Variants in ST3GAL1 observed in about 807,000 individuals in gnomAD.
The protein encoded by ST3GAL1 is CMP-N-acetylneuraminate-beta-galactosamide-alpha-2,3-sialyltransferase 1.
ST3GAL1 carries 16 observed loss-of-function variants against 34.1 expected under a neutral mutation model. That is an observed-to-expected ratio of 0.47 (90% CI 0.32 to 0.71). The LOEUF is 0.71. Among genes scored for constraint, ST3GAL1 ranks in the 30% least tolerant of loss-of-function variants. The probability of loss-of-function intolerance (pLI) is 0.04; values close to 1 mark genes in which losing one functional copy is unlikely to be tolerated. For missense variants in ST3GAL1, 353 were observed against 447.4 expected, an observed-to-expected ratio of 0.79 and a Z score of 1.90; for synonymous variants, 191 against 184.7, an observed-to-expected ratio of 1.03 and a Z score of -0.28.
intron 2 of ST3GAL1, among the ~76,000 whole-genome samples, chr8:133,519,080 G>A (rs573786157): frequency 6.6e-6 from 1 of 152,316 alleles, no homozygotes; most frequent in Admixed American, 6.5e-5. Context: ...TCAGGGTAGG[G>A]TAGGGAAAGG....
Position 133,487,770 on chromosome 8 carries a change from A to G in ST3GAL1, c.-373-11170T>C, listed in dbSNP as rs533506688. On this transcript the variant is annotated intron_variant, in intron 3 of 9. Coordinates refer to ENST00000522652, the MANE Select transcript of ST3GAL1 (RefSeq NM_173344.3). ...GATAACTTGAGGTAAGGAGTTCAAG[A>G]CCAGCCCAGACAACATGGTGAAACC... Among the ~76,000 whole-genome samples, 11 of 152,146 alleles carry G rather than the reference A, an allele frequency of 7.2e-5. No homozygotes were observed. The South Asian group carries it at 2.3e-3, about 32-fold the overall frequency.
rs1164883730 is a variant in ST3GAL1, at chr8:133,469,085, C to A, written c.307-2995G>T. Among the ~76,000 whole-genome samples the A allele has an allele frequency of 2.0e-5, 3 of 152,218 alleles. No homozygotes were observed. The highest frequency in any genetic ancestry group is 7.2e-5 in the African/African-American group (3 of 41,466). ...GCCACAGAGGCCTGAGAAGCCAGGA[C>A]TCAAGCTCGGCCATGGACGTGTGTG... On this transcript the variant is annotated intron_variant, in intron 5 of 9. Transcript: ENST00000522652. This position sits in a 1 kb window ranked among gnomAD's most constrained non-coding sequence, Gnocchi z 4.3.
intron 1 of ST3GAL1, among the ~76,000 whole-genome samples, chr8:133,555,131 C>T (rs577463836): frequency 5.3e-5 from 8 of 152,294 alleles, no homozygotes; most frequent in South Asian, 2.1e-4. Flanking sequence ...AGGCCACCCC[C>T]GCGGGGGACT....
intron 1 of ST3GAL1, among the ~76,000 whole-genome samples, chr8:133,551,503 A>G (rs532447720): frequency 6.9e-5 from 10 of 145,634 alleles, no homozygotes; most frequent in Admixed American, 5.5e-4. Context: ...AAAGAAAGAG[A>G]CAGAAAGACA....
At chr8:133,477,764 G>A (rs1216301832) in intron 3 of ST3GAL1, among the ~76,000 whole-genome samples, 2 of 152,068 alleles carry the variant, frequency 1.3e-5, no homozygotes, top group Non-Finnish European at 2.9e-5. Flanking sequence ...CTGGAGCGTG[G>A]TCTTTTTGGT....
chr8:133,473,969 C>T (rs1435642282), intron 5 of ST3GAL1, among the ~76,000 whole-genome samples: 1 of 152,162 alleles, frequency 6.6e-6, no homozygotes, highest in African/African-American at 2.4e-5. Context: ...CCTACCTGCC[C>T]GGTTCTCTGT....
intron 1 of ST3GAL1, among the ~76,000 whole-genome samples, chr8:133,549,643 A>C (rs1253721723): frequency 2.0e-5 from 3 of 151,980 alleles, no homozygotes; most frequent in African/African-American, 4.8e-5. Flanking sequence ...CCAACTGACA[A>C]GTTTGCAACC....
chr8:133,538,398 C>T (rs1818370114), intron 2 of ST3GAL1, among the ~76,000 whole-genome samples: 1 of 152,078 alleles, frequency 6.6e-6, no homozygotes, highest in Non-Finnish European at 1.5e-5. Context: ...GCCTGTAATC[C>T]CAACTACTTG....
chr8:133,473,916 C>T (rs1816062344), intron 5 of ST3GAL1, among the ~76,000 whole-genome samples: 1 of 152,170 alleles, frequency 6.6e-6, no homozygotes, highest in South Asian at 2.1e-4. Context: ...CCTGGCTCGC[C>T]ACCTCCTTCC....
At chr8:133,558,603 G>A (rs953825708) in intron 1 of ST3GAL1, among the ~76,000 whole-genome samples, 6 of 152,082 alleles carry the variant, frequency 3.9e-5, no homozygotes, top group Non-Finnish European at 7.4e-5. Flanking sequence ...CCATGCCCCC[G>A]TCCTCCCGCA....
chr8:133,501,941 C>T (rs1467670561), intron 2 of ST3GAL1, among the ~76,000 whole-genome samples: 1 of 152,072 alleles, frequency 6.6e-6, no homozygotes, highest in Non-Finnish European at 1.5e-5. Context: ...GCCAAAGTCT[C>T]CAAGCAGGTC....
At chr8:133,509,618 T>C (rs1427260597) in intron 2 of ST3GAL1, among the ~76,000 whole-genome samples, 1 of 152,206 alleles carries the variant, frequency 6.6e-6, no homozygotes, top group Non-Finnish European at 1.5e-5. Context: ...CAGTGGGAGA[T>C]CACAGGGTGG....
chr8:133,491,795 C>T (rs1038146888), intron 3 of ST3GAL1, among the ~76,000 whole-genome samples: 4 of 152,166 alleles, frequency 2.6e-5, no homozygotes. Flanking sequence ...CCCATCCCTA[C>T]ACACTGAAGG....
chr8:133,508,599 G>T lies in ST3GAL1; in HGVS notation c.-428-9410C>A, dbSNP rs1311304977. 6.6e-6 allele frequency among the ~76,000 whole-genome samples: 1 copy of T among 152,122 alleles called. No homozygotes were observed. Among genetic ancestry groups the T allele is most frequent in the Non-Finnish European group, 1.5e-5 (1 of 68,014 alleles). ...CTGTAAGGAAGAGACAATCTCAGAA[G>T]CAGGGCACTCGCTCAAATTCAGAGA... On this transcript the variant is annotated intron_variant, in intron 2 of 9. Coordinates refer to ENST00000522652, the MANE Select transcript of ST3GAL1 (RefSeq NM_173344.3). The surrounding 1 kb of genome is among the most constrained non-coding windows in gnomAD (Gnocchi z 4.1).
intron 1 of ST3GAL1, among the ~76,000 whole-genome samples, chr8:133,568,743 G>C (rs924660032): frequency 7.2e-5 from 11 of 152,144 alleles, no homozygotes; most frequent in African/African-American, 2.2e-4. Context: ...GTCACACATG[G>C]GAGAGGGCCC....
chr8:133,527,122 C>T (rs1459958459), intron 2 of ST3GAL1, among the ~76,000 whole-genome samples: 2 of 152,104 alleles, frequency 1.3e-5, no homozygotes, highest in Non-Finnish European at 2.9e-5. Context: ...TGTGAAGGGG[C>T]TGCTCTTTAA....
chr8:133,540,974 TATGC>T (rs199893615), intron 2 of ST3GAL1, among the ~76,000 whole-genome samples: 251 of 54,924 alleles, frequency 4.6e-3, no homozygotes, highest in East Asian at 8.8e-3. Flanking sequence ...TAGACATATA[TATGC>T]AGACATATAT....
intron 1 of ST3GAL1, among the ~76,000 whole-genome samples, chr8:133,566,385 T>A (rs1202152612): frequency 1.3e-5 from 2 of 152,184 alleles, no homozygotes; most frequent in African/African-American, 2.4e-5. Flanking sequence ...CTCCTCTGTC[T>A]CCCGTAGGCT....
intron 3 of ST3GAL1, among the ~76,000 whole-genome samples, chr8:133,482,187 C>T (rs1339894470): frequency 6.6e-6 from 1 of 152,140 alleles, no homozygotes; most frequent in Non-Finnish European, 1.5e-5. Flanking sequence ...ACCTCAAGTC[C>T]TGGCTGCTTT....
Sources: allele counts gnomAD v4.1 joint callset (sites outside exome capture counted in the v4.1 genomes callset), GRCh38; gene constraint gnomAD v4.1.1; non-coding constraint Gnocchi (gnomAD v3.1); transcripts MANE v1.5; gene names NCBI Gene and HGNC (gene_info 2026-07-23, HGNC 2026-07-21).